OTX2: variants seen among roughly 807,000 people sequenced by gnomAD.
OTX2 encodes homeobox protein OTX2.
A neutral mutation model predicts 29.0 loss-of-function variants in OTX2; 4 were observed. The ratio of observed to expected loss-of-function variants is 0.14; its 90% CI spans 0.07 to 0.32. The LOEUF (loss-of-function observed/expected upper bound fraction) is 0.32, where lower values mean the gene tolerates loss of function less well. Ranked by LOEUF, OTX2 falls within the 10% of genes least tolerant of loss-of-function variation. The pLI, the probability that OTX2 is intolerant of heterozygous loss-of-function variation, is 1.00. For synonymous variants in OTX2, 134 were observed against 141.0 expected (o/e 0.95, Z 0.35); for missense variants, 298 against 365.9 (o/e 0.81, Z 1.51).
intron 2 of OTX2, among the ~76,000 whole-genome samples, chr14:56,809,075 C>T (rs1032622315): frequency 6.6e-6 from 1 of 152,238 alleles, no homozygotes; most frequent in African/African-American, 2.4e-5. Flanking sequence ...CACGACACCT[C>T]ATTGTCCTGG....
At position 56,801,645 on chromosome 14, in the gene OTX2, T is replaced by C; in HGVS notation, c.*90A>G. The C allele has an allele frequency of 1.4e-6, 2 of 1,426,552 alleles. No homozygotes were observed. The highest frequency in any genetic ancestry group is 2.0e-6 in the Non-Finnish European group (2 of 1,012,928). 88.4% of individuals were successfully genotyped at this position (1,426,552 alleles called of 1,614,324 possible). On this transcript the variant is annotated 3_prime_UTR_variant, in exon 5 of 5. Coordinates refer to ENST00000672264, the MANE Select transcript of OTX2 (RefSeq NM_021728.4). The surrounding 1 kb of genome is among the most constrained non-coding windows in gnomAD (Gnocchi z 4.2). ...TCAGATGAGTCTGAGCATCATCCCA[T>C]CTAACTCTTTTAACCAATGCCTGGC...
intron 2 of OTX2, among the ~76,000 whole-genome samples, chr14:56,809,634 C>G (rs892014258): frequency 6.6e-6 from 1 of 152,102 alleles, no homozygotes; most frequent in African/African-American, 2.4e-5. Context: ...CAGGCCGACC[C>G]GCAAGCGAAC....
rs1891994519 is a variant in OTX2 at position 56,804,208 on chromosome 14, A to G, written c.253T>C (p.Leu85=). 2 of 1,614,136 alleles carry G rather than the reference A, an allele frequency of 1.2e-6. No homozygotes were observed. The highest frequency in any genetic ancestry group is 1.7e-6 in the Non-Finnish European group (2 of 1,180,028). ...CCTACCTGCACCCTCGACTCGGGCA[A>G]GTTGATTTTCAGTGCCACCTCCTCT... is the stretch of plus-strand genomic sequence containing the variant. ...MREEVALKIN[L]PESRVQVWFK... is the part of the protein sequence containing the mutation. The change falls in exon 4 of 5, where the codon TTG becomes CTG. Residue 85 remains leucine (L), a synonymous_variant. Coordinates refer to ENST00000672264, the MANE Select transcript of OTX2 (RefSeq NM_021728.4). This position sits in a 1 kb window ranked among gnomAD's most constrained non-coding sequence, Gnocchi z 4.1.
At position 56,805,442 on chromosome 14, in the gene OTX2, A is replaced by C. The variant is rs752010967; in HGVS notation, c.15T>G (p.Leu5=). MMSY[L]KQPPYAVNGL... ...CATTGACTGCGTAAGGCGGTTGCTT[A>C]AGATAAGACATCATGCTAAGGTTGT... is the stretch of plus-strand genomic sequence containing the variant. Residue 5 remains leucine, a synonymous_variant, in exon 3 of 5, where the codon CTT becomes CTG. Transcript: ENST00000672264. 1.2e-6 allele frequency: 2 copies of C among 1,613,246 alleles called. No homozygotes were observed. The highest frequency in any genetic ancestry group is 2.2e-5 in the South Asian group (2 of 91,032).
chr14:56,802,651 C>T lies in OTX2; in HGVS notation c.274-296G>A, dbSNP rs1286897563. On this transcript the variant is annotated intron_variant, in intron 4 of 4. Coordinates refer to ENST00000672264, the MANE Select transcript of OTX2 (RefSeq NM_021728.4). The surrounding 1 kb of genome is among the most constrained non-coding windows in gnomAD (Gnocchi z 4.4). ...TCCACATCACTTTCCTATCTTATTT[C>T]GCCTCTAACACACACATACACATAG... Among the ~76,000 whole-genome samples, 3 of 152,182 alleles carry T rather than the reference C, an allele frequency of 2.0e-5. No homozygotes were observed. Among genetic ancestry groups the T allele is most frequent in the Non-Finnish European group, 2.9e-5 (2 of 68,038 alleles).
At chr14:56,807,601 T>C (rs1253275657) in intron 2 of OTX2, among the ~76,000 whole-genome samples, 1 of 152,172 alleles carries the variant, frequency 6.6e-6, no homozygotes, top group Non-Finnish European at 1.5e-5. Context: ...GCCCTTACCA[T>C]TGCAAAATGG....
rs1404963004 is a variant in OTX2, at chr14:56,802,421, G to A, written c.274-66C>T. ...TTCCTTAAGGACAAGAATGGCTCCC[G>A]TATTATAAATCTATCCTACATGGGC... On this transcript the variant is annotated intron_variant, in intron 4 of 4. Transcript: ENST00000672264. The surrounding 1 kb of genome is among the most constrained non-coding windows in gnomAD (Gnocchi z 4.4). The A allele has an allele frequency of 9.0e-6, 14 of 1,554,222 alleles. No homozygotes were observed. The highest frequency in any genetic ancestry group is 3.3e-5 in the South Asian group (3 of 89,856).
In OTX2 at chr14:56,804,286, C is replaced by T; in HGVS notation, c.175G>A (p.Asp59Asn). The change falls in exon 4 of 5, where the codon GAT becomes AAT. Residue 59 changes from aspartate (D) to asparagine (N), a missense_variant. By Grantham distance (23) the Asp-to-Asn change is conservative (BLOSUM62 1). Around this residue, in one of 3 missense-constraint regions of OTX2, gnomAD observed 29 missense variants for 84.7 expected, o/e 0.34. Transcript: ENST00000672264. The surrounding 1 kb of genome is among the most constrained non-coding windows in gnomAD (Gnocchi z 4.1). ...TTGGCAAACAGTGCTTCCAGCACAT[C>T]TAGCTGCGCCCGAGTGAACGTCGTC... The part of the protein sequence containing the change: ...ERTTFTRAQL[D>N]VLEALFAKTR... 1 of 1,614,176 alleles carries T rather than the reference C, an allele frequency of 6.2e-7. No homozygotes were observed. Among genetic ancestry groups the T allele is most frequent in the Non-Finnish European group, 8.5e-7 (1 of 1,180,042 alleles).
At chr14:56,810,295 A>C (rs1594960259) in intron 1 of OTX2, 73 bp from the exon 2 acceptor site, 1 of 152,164 alleles carries the variant, frequency 6.6e-6, no homozygotes, top group Admixed American at 6.5e-5. Flanking sequence ...AAACACAACC[A>C]AAAAAAATTT....
At chr14:56,809,404 G>T (rs1021338479) in intron 2 of OTX2, among the ~76,000 whole-genome samples, 7 of 152,062 alleles carry the variant, frequency 4.6e-5, no homozygotes, top group African/African-American at 1.4e-4. Context: ...TTGGATTTTG[G>T]GGGGTGGTGG....
chr14:56,803,387 A>G (rs909664874), intron 4 of OTX2, among the ~76,000 whole-genome samples: 1 of 152,252 alleles, frequency 6.6e-6, no homozygotes, highest in Non-Finnish European at 1.5e-5. Flanking sequence ...TGCAAGTGCT[A>G]AAACTTCCTC....
Position 56,802,055 on chromosome 14 carries a change from C to A in OTX2, c.574G>T (p.Gly192Cys), listed in dbSNP as rs773463323. The A allele has an allele frequency of 6.2e-7, 1 of 1,614,182 alleles. No individual in the cohort carries two copies. Among genetic ancestry groups the A allele is most frequent in the Admixed American group, 1.7e-5 (1 of 60,020 alleles). Residue 192 changes from glycine (G) to cysteine (C), a missense_variant, in exon 5 of 5, where the codon GGT (glycine) becomes TGT (cysteine). Physicochemically the swap from Gly to Cys is radical, Grantham distance 159. Around this residue, in one of 3 missense-constraint regions of OTX2, gnomAD observed 219 missense variants for 223.5 expected, o/e 0.98. Transcript: ENST00000672264. This position sits in a 1 kb window ranked among gnomAD's most constrained non-coding sequence, Gnocchi z 4.4. Reference sequence around the variant, plus strand: ...GAGCCAGCATATCCTTGACTATAACCTGAAGCCTGAGTATAGGTCATGGGA... The same window carrying A: ...GAGCCAGCATATCCTTGACTATAACATGAAGCCTGAGTATAGGTCATGGGA... ...SYPMTYTQASGYSQGYAGSTS... is the reference protein window; with the variant it reads ...SYPMTYTQASCYSQGYAGSTS...
chr14:56,802,186 G>C lies in OTX2; in HGVS notation c.443C>G (p.Pro148Arg), dbSNP rs201721391. ...QFTPPSSTSV[P>R]TIASSSAPVS... ...AGGAGCACTGCTGCTGGCAATGGTC[G>C]GGACTGAGGTGCTAGAGGGGGGAGT... is the stretch of plus-strand genomic sequence containing the variant. Residue 148 changes from proline to arginine, a missense_variant, in exon 5 of 5, where the codon CCG (proline) becomes CGG (arginine). This residue lies in a region of OTX2 where 219 missense variants were observed against 223.5 expected (regional missense o/e 0.98). Transcript: ENST00000672264. The surrounding 1 kb of genome is among the most constrained non-coding windows in gnomAD (Gnocchi z 4.4). 1.2e-6 allele frequency: 2 copies of C among 1,613,994 alleles called. No individual in the cohort carries two copies. The highest frequency in any genetic ancestry group is 1.7e-6 in the Non-Finnish European group (2 of 1,179,988).
chr14:56,801,586 T>A lies in OTX2; in HGVS notation c.*149A>T. The A allele has an allele frequency of 1.2e-6, 1 of 858,828 alleles. No individual in the cohort carries two copies. 53.2% of individuals were successfully genotyped at this position (858,828 alleles called of 1,614,324 possible). On this transcript the variant is annotated 3_prime_UTR_variant, in exon 5 of 5. Coordinates refer to ENST00000672264, the MANE Select transcript of OTX2 (RefSeq NM_021728.4). This position sits in a 1 kb window ranked among gnomAD's most constrained non-coding sequence, Gnocchi z 4.2. ...TGGTTTGTAGGCCCCTCTAAGGCCC[T>A]TCGTTTTTCCTTCTATGCCTCTCGG...
chr14:56,801,018 GCT>G lies in OTX2; in HGVS notation c.*715_*716del, dbSNP rs1891855076. ...AATCTTTTTAGATCAGTACTCAGTTGCTCTGAATTTTGCTTATAATTATAACC... is the reference window on the plus strand; with the variant it reads ...AATCTTTTTAGATCAGTACTCAGTTGCTGAATTTTGCTTATAATTATAACC... On this transcript the variant is annotated 3_prime_UTR_variant, in exon 5 of 5. Transcript: ENST00000672264. The surrounding 1 kb of genome is among the most constrained non-coding windows in gnomAD (Gnocchi z 4.2). The G allele has an allele frequency of 6.5e-6, 1 of 153,710 alleles. No homozygotes were observed. Among genetic ancestry groups the G allele is most frequent in the Non-Finnish European group, 1.5e-5 (1 of 68,946 alleles). 9.5% of individuals were successfully genotyped at this position (153,710 alleles called of 1,614,324 possible).
chr14:56,802,955 A>G lies in OTX2; in HGVS notation c.274-600T>C, dbSNP rs780788358. Among the ~76,000 whole-genome samples the G allele has an allele frequency of 1.5e-4, 23 of 152,106 alleles. No homozygotes were observed. Among genetic ancestry groups the G allele is most frequent in the Non-Finnish European group, 1.5e-5 (1 of 68,034 alleles). On this transcript the variant is annotated intron_variant, in intron 4 of 4. Coordinates refer to ENST00000672264, the MANE Select transcript of OTX2 (RefSeq NM_021728.4). This position sits in a 1 kb window ranked among gnomAD's most constrained non-coding sequence, Gnocchi z 4.4. ...AGAGGTCTGAAAGCCACTATTTGCT[A>G]AAAGCTTCTTTGTGGTAAAAGGAGT... is the stretch of plus-strand genomic sequence containing the variant.
In OTX2 at chr14:56,801,716, A is replaced by G. The variant is rs1299838408; in HGVS notation, c.*19T>C. 1 of 1,612,878 alleles carries G rather than the reference A, an allele frequency of 6.2e-7. No homozygotes were observed. The highest frequency in any genetic ancestry group is 1.7e-5 in the Admixed American group (1 of 60,026). ...CAGTATATTTAAAAATCACCCACAA[A>G]AAGAGGTTCTACAGGTCTTCACAAA... On this transcript the variant is annotated 3_prime_UTR_variant, in exon 5 of 5. Transcript: ENST00000672264. This position sits in a 1 kb window ranked among gnomAD's most constrained non-coding sequence, Gnocchi z 4.2.
At chr14:56,809,785 A>T (rs1164041455) in intron 2 of OTX2, among the ~76,000 whole-genome samples, 1 of 152,190 alleles carries the variant, frequency 6.6e-6, no homozygotes, top group Non-Finnish European at 1.5e-5. Flanking sequence ...CCCCAACCAA[A>T]TCTGGGGGCC....
At position 56,803,475 on chromosome 14, in the gene OTX2, C is replaced by T. The variant is rs142556148; in HGVS notation, c.273+713G>A. On this transcript the variant is annotated intron_variant, in intron 4 of 4. Transcript: ENST00000672264. ...GTCGCTTTCATAAACATATTCTAGC[C>T]GAAGGAGAGGCCCAGGTGTGTATGT... 2.2e-4 allele frequency among the ~76,000 whole-genome samples: 33 copies of T among 152,286 alleles called. No individual in the cohort carries two copies. The East Asian group carries it at 4.2e-3, about 20-fold the overall frequency.
Sources: gnomAD v4.1 joint callset for allele counts (sites outside exome capture counted in the v4.1 genomes callset) on GRCh38, gnomAD v4.1.1 for gene constraint, gnomAD v4.1.1 regional missense constraint, Gnocchi (gnomAD v3.1) non-coding constraint, MANE v1.5 for transcripts, NCBI Gene and HGNC (gene_info 2026-07-23, HGNC 2026-07-21) for gene names.